Variants in TAMM41 observed in about 807,000 individuals in gnomAD.
TAMM41 encodes the protein phosphatidate cytidylyltransferase, mitochondrial.
A neutral mutation model predicts 44.1 loss-of-function variants in TAMM41; 36 were observed. That is an observed-to-expected ratio of 0.82 (90% confidence interval 0.63 to 1.08). The LOEUF is 1.08. Among genes scored for constraint, TAMM41 ranks in the 50% least tolerant of loss-of-function variants. The pLI is 0.00. For missense variants in TAMM41, 417 were observed against 404.3 expected, an observed-to-expected ratio of 1.03 and a Z score of -0.27; for synonymous variants, 164 against 153.1, an observed-to-expected ratio of 1.07 and a Z score of -0.53.
At chr3:11,766,290 A>T in the TAMM41 span, among the ~76,000 whole-genome samples, 1 of 151,880 alleles carries the variant, frequency 6.6e-6, no homozygotes, top group Non-Finnish European at 1.5e-5. Context: ...TCAGACTCCC[A>T]GGTAGCTGGG....
At chr3:11,729,155 C>T in the TAMM41 span, among the ~76,000 whole-genome samples, 1 of 152,148 alleles carries the variant, frequency 6.6e-6, no homozygotes, top group East Asian at 1.9e-4. Context: ...ACCCAGACAT[C>T]TGAGTGGCAT....
chr3:11,822,688 G>C (rs180863837), intron 4 of TAMM41, among the ~76,000 whole-genome samples: 17 of 152,206 alleles, frequency 1.1e-4, no homozygotes, highest in African/African-American at 3.9e-4. Context: ...TGTTTTCAAG[G>C]GTCATCACAC....
the TAMM41 span, among the ~76,000 whole-genome samples, chr3:11,728,374 T>A: frequency 6.6e-6 from 1 of 152,190 alleles, no homozygotes; most frequent in East Asian, 1.9e-4. Context: ...GGGTGCCAAG[T>A]CCTCTACTGC....
chr3:11,740,095 A>AAC, the TAMM41 span, among the ~76,000 whole-genome samples: 192 of 152,138 alleles, frequency 1.3e-3, 2 homozygotes, highest in African/African-American at 4.2e-3. Flanking sequence ...AACAAAACAA[A>AAC]AAAAACACCC....
the TAMM41 span, among the ~76,000 whole-genome samples, chr3:11,743,291 C>T: frequency 2.6e-5 from 4 of 151,846 alleles, no homozygotes; most frequent in Non-Finnish European, 4.4e-5. Context: ...TCCTCCAAAC[C>T]CCATTCTCTG....
intron 4 of TAMM41, among the ~76,000 whole-genome samples, chr3:11,821,666 G>A (rs9829529): frequency 0.018 from 2,666 of 152,300 alleles, 71 homozygotes; most frequent in African/African-American, 0.053. Context: ...TATGTATATA[G>A]CATAGTCGAA....
chr3:11,726,096 G>T, the TAMM41 span, among the ~76,000 whole-genome samples: 1 of 152,210 alleles, frequency 6.6e-6, no homozygotes, highest in Middle Eastern at 3.2e-3. Context: ...AATCTGAATT[G>T]CTCGTAGTAC....
At chr3:11,845,088 C>CA (rs1299588231) in intron 1 of TAMM41, 2 of 434,632 alleles carry the variant, frequency 4.6e-6, no homozygotes, top group South Asian at 3.3e-5. Flanking sequence ...AAGCTGCCGT[C>CA]AGATATGACT....
chr3:11,733,009 TTTG>T, the TAMM41 span, among the ~76,000 whole-genome samples: 1 of 139,648 alleles, frequency 7.2e-6, no homozygotes, highest in African/African-American at 2.6e-5. Context: ...TGTTTGTTTG[TTTG>T]TTTTGAGATG....
At chr3:11,835,911 A>T (rs1054636794) in intron 3 of TAMM41, among the ~76,000 whole-genome samples, 7 of 152,036 alleles carry the variant, frequency 4.6e-5, no homozygotes, top group Middle Eastern at 6.8e-3. Context: ...CAGAGCTGGG[A>T]TTCTAACCCT....
At chr3:11,763,231 T>C in the TAMM41 span, among the ~76,000 whole-genome samples, 1 of 152,290 alleles carries the variant, frequency 6.6e-6, no homozygotes, top group Non-Finnish European at 1.5e-5. Flanking sequence ...CTTGACCCCT[T>C]GGGCTCAAGT....
At chr3:11,815,101 G>A (rs888951181) in intron 5 of TAMM41, among the ~76,000 whole-genome samples, 6 of 152,164 alleles carry the variant, frequency 3.9e-5, no homozygotes, top group Admixed American at 3.9e-4. Context: ...CTATCAAAGG[G>A]AGGGTAGAAT....
the TAMM41 span, among the ~76,000 whole-genome samples, chr3:11,739,617 A>G: frequency 7.2e-6 from 1 of 138,008 alleles, no homozygotes; most frequent in South Asian, 2.4e-4. Flanking sequence ...GGTTGCAGTG[A>G]GCCAAGATAA....
chr3:11,782,380 T>C, the TAMM41 span, among the ~76,000 whole-genome samples: 1 of 151,960 alleles, frequency 6.6e-6, no homozygotes, highest in Non-Finnish European at 1.5e-5. Context: ...ACCCCATCTC[T>C]ACTAAAAACA....
intron 7 of TAMM41, chr3:11,807,436 C>G: frequency 6.5e-7 from 1 of 1,528,626 alleles, no homozygotes; most frequent in Non-Finnish European, 8.7e-7. Flanking sequence ...ATGGCAGTAA[C>G]AACAAAAATA....
intron 7 of TAMM41, among the ~76,000 whole-genome samples, chr3:11,792,167 G>A (rs1010081926): frequency 2.7e-5 from 4 of 147,098 alleles, no homozygotes; most frequent in Non-Finnish European, 5.9e-5. Context: ...GTGTCACCAT[G>A]TAGCCATTTT....
chr3:11,791,976 C>T (rs1453337036), intron 7 of TAMM41, among the ~76,000 whole-genome samples: 1 of 152,092 alleles, frequency 6.6e-6, no homozygotes, highest in Non-Finnish European at 1.5e-5. Flanking sequence ...AAATTCCAGC[C>T]AGAACCAACC....
the TAMM41 span, among the ~76,000 whole-genome samples, chr3:11,760,600 G>T: frequency 6.6e-6 from 1 of 151,694 alleles, no homozygotes; most frequent in Non-Finnish European, 1.5e-5. Flanking sequence ...TTGCTCTGTT[G>T]CCCAGGCTGG....
chr3:11,795,965 G>C (rs2077595194), intron 7 of TAMM41, among the ~76,000 whole-genome samples: 1 of 152,154 alleles, frequency 6.6e-6, no homozygotes, highest in Non-Finnish European at 1.5e-5. Flanking sequence ...TATTCTACTA[G>C]CAGCACAGTC....
Sources: allele counts gnomAD v4.1 joint callset (sites outside exome capture counted in the v4.1 genomes callset), GRCh38; gene constraint gnomAD v4.1.1; transcripts MANE v1.5; gene names NCBI Gene and HGNC (gene_info 2026-07-23, HGNC 2026-07-21).